CPNE4: variants seen among roughly 807,000 people sequenced by gnomAD.
The protein encoded by CPNE4 is copine-4.
Under a neutral mutation model 67.9 loss-of-function variants are expected in CPNE4, and 25 were observed. That is an observed-to-expected ratio of 0.37 (90% CI 0.27 to 0.51). The LOEUF is 0.51. CPNE4 is among the 20% of genes least tolerant of loss of function. The pLI is 0.93. For synonymous variants in CPNE4, 242 were observed against 244.9 expected, an observed-to-expected ratio of 0.99 and a Z score of 0.11; for missense variants, 464 against 690.8, an observed-to-expected ratio of 0.67 and a Z score of 3.68.
chr3:131,976,049 T>G (rs2072643112), intron 1 of CPNE4, among the ~76,000 whole-genome samples: 1 of 151,626 alleles, frequency 6.6e-6, no homozygotes, highest in Non-Finnish European at 1.5e-5. Flanking sequence ...ATAGGACTTT[T>G]TTTAAAACTT....
At chr3:131,554,243 T>C (rs1052620992) in intron 12 of CPNE4, among the ~76,000 whole-genome samples, 1 of 152,108 alleles carries the variant, frequency 6.6e-6, no homozygotes, top group Non-Finnish European at 1.5e-5. Context: ...AAGGGGCCTA[T>C]ATCTCCTCAG....
intron 7 of CPNE4, among the ~76,000 whole-genome samples, chr3:131,607,778 A>G (rs1226213619): frequency 1.3e-5 from 2 of 152,176 alleles, no homozygotes; most frequent in Non-Finnish European, 2.9e-5. Flanking sequence ...CCCTGAGATG[A>G]TAGAAGTTAA....
At chr3:131,827,623 C>T (rs1560411055) in intron 2 of CPNE4, among the ~76,000 whole-genome samples, 1 of 152,058 alleles carries the variant, frequency 6.6e-6, no homozygotes, top group African/African-American at 2.4e-5. Context: ...ACCACAATGG[C>T]TGTTATGCTT....
Position 131,989,777 on chromosome 3 carries a change from CA to C in CPNE4, c.-2+44789del, listed in dbSNP as rs1276062750. Among the ~76,000 whole-genome samples the C allele has an allele frequency of 1.5e-5, 2 of 136,124 alleles. 1 individual carries two copies. Among genetic ancestry groups the C allele is most frequent in the Non-Finnish European group, 3.3e-5 (2 of 60,056 alleles). 89.3% of individuals were successfully genotyped at this position (136,124 alleles called of 152,430 possible). ...TGTCCAGTCCAAGATAACACCATGT[CA>C]AAAATATCAAAAAGCAAAATTGCTT... is the stretch of plus-strand genomic sequence containing the variant. On this transcript the variant is annotated intron_variant, in intron 1 of 15. Coordinates refer to ENST00000429747, the MANE Select transcript of CPNE4 (RefSeq NM_130808.3).
At chr3:131,615,180 TAC>T (rs1225400468) in intron 7 of CPNE4, among the ~76,000 whole-genome samples, 1 of 152,176 alleles carries the variant, frequency 6.6e-6, no homozygotes. Context: ...TAGATAAATA[TAC>T]AGTTTCCTTT....
chr3:131,861,769 A>G (rs557747467), intron 2 of CPNE4, among the ~76,000 whole-genome samples: 1 of 152,300 alleles, frequency 6.6e-6, no homozygotes, highest in African/African-American at 2.4e-5. Context: ...AAATAAGAAT[A>G]TATTGGAAAT....
intron 2 of CPNE4, among the ~76,000 whole-genome samples, chr3:131,833,878 A>G (rs2085465107): frequency 6.6e-6 from 1 of 152,194 alleles, no homozygotes; most frequent in Non-Finnish European, 1.5e-5. Context: ...ATAGTGCTGC[A>G]AGAGGAAATT....
At chr3:131,878,203 A>T (rs921004966) in intron 2 of CPNE4, among the ~76,000 whole-genome samples, 1 of 152,210 alleles carries the variant, frequency 6.6e-6, no homozygotes, top group Non-Finnish European at 1.5e-5. Context: ...TAATAGCCCT[A>T]AACTGGAAGC....
At chr3:131,543,885 T>TAAGTC (rs1935666044) in intron 14 of CPNE4, among the ~76,000 whole-genome samples, 1 of 152,184 alleles carries the variant, frequency 6.6e-6, no homozygotes, top group African/African-American at 2.4e-5. Context: ...CTTCCTGCTT[T>TAAGTC]AAGTCCTGAC....
intron 7 of CPNE4, among the ~76,000 whole-genome samples, chr3:131,612,262 T>C (rs1388736595): frequency 4.6e-5 from 7 of 152,056 alleles, no homozygotes; most frequent in Non-Finnish European, 1.0e-4. Context: ...TAATCCCAGC[T>C]ACTCAGGAGG....
intron 1 of CPNE4, among the ~76,000 whole-genome samples, chr3:131,942,343 A>G (rs2071411713): frequency 6.6e-6 from 1 of 151,932 alleles, no homozygotes; most frequent in Non-Finnish European, 1.5e-5. Flanking sequence ...TTTAAGAATC[A>G]AAGCTAAAAT....
At chr3:131,888,459 T>C (rs948545615) in intron 2 of CPNE4, among the ~76,000 whole-genome samples, 2 of 151,952 alleles carry the variant, frequency 1.3e-5, no homozygotes, top group African/African-American at 4.8e-5. Context: ...TCTTGAAATA[T>C]AGTATTTGAA....
At chr3:131,748,432 A>C (rs2082545916) in intron 2 of CPNE4, among the ~76,000 whole-genome samples, 1 of 151,750 alleles carries the variant, frequency 6.6e-6, no homozygotes, top group African/African-American at 2.4e-5. Context: ...TCTGGTTTTG[A>C]TATCAGGATT....
chr3:132,038,000 TTTC>T (rs1279323111), upstream of CPNE4: 1,441 of 44,318 alleles, frequency 0.033, 20 homozygotes, highest in African/African-American at 0.15. Context: ...TTTTATTTTC[TTTC>T]TTTTTTTTTT....
At chr3:131,874,943 A>C (rs1283868956) in intron 2 of CPNE4, among the ~76,000 whole-genome samples, 2 of 152,228 alleles carry the variant, frequency 1.3e-5, no homozygotes, top group Non-Finnish European at 2.9e-5. Flanking sequence ...AGATCTCTAC[A>C]CTGACATTTA....
chr3:131,723,683 C>A (rs954850480), intron 2 of CPNE4, 58 bp from the exon 3 acceptor site: 128 of 1,451,646 alleles, frequency 8.8e-5, no homozygotes, highest in Non-Finnish European at 1.2e-4. Context: ...TATTACCGTT[C>A]AAGAAAATTC....
intron 7 of CPNE4, among the ~76,000 whole-genome samples, chr3:131,595,016 C>A (rs2093644731): frequency 6.6e-6 from 1 of 152,146 alleles, no homozygotes; most frequent in Admixed American, 6.5e-5. Flanking sequence ...CCACCTTACA[C>A]CTGCTAAGGT....
At chr3:131,801,372 C>CATAT (rs201764210) in intron 2 of CPNE4, among the ~76,000 whole-genome samples, 5 of 86,212 alleles carry the variant, frequency 5.8e-5, no homozygotes, top group Non-Finnish European at 1.1e-4. Flanking sequence ...ATATATGTAC[C>CATAT]ATATATATAT....
At chr3:131,903,911 AC>A (rs1282344845) in intron 2 of CPNE4, among the ~76,000 whole-genome samples, 4 of 151,974 alleles carry the variant, frequency 2.6e-5, no homozygotes, top group Non-Finnish European at 4.4e-5. Flanking sequence ...GATACAAAGA[AC>A]CCCACTGTTT....
Sources: gnomAD v4.1 joint callset for allele counts (sites outside exome capture counted in the v4.1 genomes callset) on GRCh38, gnomAD v4.1.1 for gene constraint, MANE v1.5 for transcripts, NCBI Gene and HGNC (gene_info 2026-07-23, HGNC 2026-07-21) for gene names.